The following PCDH15 variants were observed in gnomAD, a reference collection of about 807,000 sequenced individuals.
PCDH15 encodes protocadherin-15.
PCDH15 carries 129 observed loss-of-function variants against 178.5 expected under a neutral mutation model. The observed-to-expected ratio is 0.72, with a 90% CI of 0.63 to 0.84. PCDH15 has a LOEUF of 0.84. Ranked by LOEUF, PCDH15 falls within the 40% of genes least tolerant of loss-of-function variation. PCDH15 has a pLI of 0.00. For synonymous variants in PCDH15, 800 were observed against 732.0 expected, an observed-to-expected ratio of 1.09 and a Z score of -1.50; for missense variants, 2,230 against 2,099.9, an observed-to-expected ratio of 1.06 and a Z score of -1.21.
chr10:55,396,179 C>G (rs1837924815), intron 2 of PCDH15, among the ~76,000 whole-genome samples: 1 of 152,118 alleles, frequency 6.6e-6, no homozygotes, highest in Non-Finnish European at 1.5e-5. Flanking sequence ...TATATCTTTG[C>G]ATCAGTGGAA....
intron 1 of PCDH15, among the ~76,000 whole-genome samples, chr10:54,723,447 C>T (rs1039725812): frequency 6.6e-6 from 1 of 151,528 alleles, no homozygotes; most frequent in East Asian, 1.9e-4. Flanking sequence ...TAAAATCCTA[C>T]AAGAAAACCT....
intron 3 of PCDH15, among the ~76,000 whole-genome samples, chr10:54,481,021 C>A (rs1449212687): frequency 6.6e-6 from 1 of 151,798 alleles, no homozygotes; most frequent in Non-Finnish European, 1.5e-5. Flanking sequence ...TGTCTATGTC[C>A]TTTCCAACTC....
chr10:54,704,509 T>C (rs577233726), intron 1 of PCDH15, among the ~76,000 whole-genome samples: 1 of 152,060 alleles, frequency 6.6e-6, no homozygotes, highest in East Asian at 1.9e-4. Context: ...CATTAAAAAC[T>C]GGGCAAAAGA....
At chr10:54,025,634 G>A (rs2093061082) in intron 18 of PCDH15, among the ~76,000 whole-genome samples, 1 of 151,918 alleles carries the variant, frequency 6.6e-6, no homozygotes, top group African/African-American at 2.4e-5. Context: ...GAGTAGCTGG[G>A]ATTACAGGCA....
chr10:53,997,703 T>C (rs980349423), intron 20 of PCDH15, among the ~76,000 whole-genome samples: 3 of 152,196 alleles, frequency 2.0e-5, no homozygotes, highest in African/African-American at 7.2e-5. Context: ...GAAGTATTCA[T>C]TGGATTCACC....
At chr10:55,051,708 G>A (rs1223863703) in intron 2 of PCDH15, among the ~76,000 whole-genome samples, 1 of 152,160 alleles carries the variant, frequency 6.6e-6, no homozygotes, top group Non-Finnish European at 1.5e-5. Flanking sequence ...CTGCCAAAGA[G>A]CATAGTCATA....
intron 2 of PCDH15, among the ~76,000 whole-genome samples, chr10:54,560,157 A>C (rs1267251999): frequency 2.0e-5 from 3 of 152,070 alleles, no homozygotes; most frequent in African/African-American, 7.2e-5. Flanking sequence ...CTTCTGCTTT[A>C]GTTTTTACAT....
chr10:55,455,504 C>A (rs1015718420), intron 2 of PCDH15, among the ~76,000 whole-genome samples: 1 of 151,880 alleles, frequency 6.6e-6, no homozygotes, highest in Non-Finnish European at 1.5e-5. Context: ...TTGTGAAAAC[C>A]ATAGCACAAT....
intron 1 of PCDH15, among the ~76,000 whole-genome samples, chr10:55,278,409 C>T (rs1055667653): frequency 6.6e-6 from 1 of 151,806 alleles, no homozygotes; most frequent in Non-Finnish European, 1.5e-5. Context: ...TAAATAGAGA[C>T]AAGGTTTCTC....
At chr10:53,925,878 G>T (rs1232659167) in intron 25 of PCDH15, among the ~76,000 whole-genome samples, 1 of 151,930 alleles carries the variant, frequency 6.6e-6, no homozygotes, top group East Asian at 1.9e-4. Flanking sequence ...TTTTACATTT[G>T]TACCACGTGA....
chr10:53,925,019 C>T (rs1488211652), intron 25 of PCDH15, among the ~76,000 whole-genome samples: 1 of 152,130 alleles, frequency 6.6e-6, no homozygotes, highest in Non-Finnish European at 1.5e-5. Context: ...CCAATCAGCT[C>T]TCTGTAAAAT....
At chr10:55,197,377 G>A (rs1036698771) in intron 1 of PCDH15, among the ~76,000 whole-genome samples, 1 of 152,030 alleles carries the variant, frequency 6.6e-6, no homozygotes, top group African/African-American at 2.4e-5. Context: ...AGGAAATCCA[G>A]ATTTTGATTA....
At chr10:54,380,857 T>C (rs901587383) in intron 3 of PCDH15, among the ~76,000 whole-genome samples, 1 of 150,162 alleles carries the variant, frequency 6.7e-6, no homozygotes, top group Non-Finnish European at 1.5e-5. Context: ...ATTAAAGTAG[T>C]GAAACAAAAA....
chr10:54,886,064 G>GGAGACTGAT (rs1319699346), intron 3 of PCDH15, among the ~76,000 whole-genome samples: 1 of 145,054 alleles, frequency 6.9e-6, no homozygotes, highest in African/African-American at 2.9e-5. Flanking sequence ...TTAATAAGAA[G>GGAGACTGAT]CTATTTTCAG....
At chr10:54,199,170 A>G (rs2049984119) in intron 10 of PCDH15, among the ~76,000 whole-genome samples, 1 of 152,156 alleles carries the variant, frequency 6.6e-6, no homozygotes, top group Non-Finnish European at 1.5e-5. Flanking sequence ...AGAGTTAATA[A>G]TGATTAATAT....
At chr10:54,837,074 A>C (rs947518549) in intron 3 of PCDH15, among the ~76,000 whole-genome samples, 1 of 152,138 alleles carries the variant, frequency 6.6e-6, no homozygotes, top group African/African-American at 2.4e-5. Context: ...ACACATTTAC[A>C]TTAAAATATT....
intron 2 of PCDH15, among the ~76,000 whole-genome samples, chr10:54,952,643 G>A (rs550924244): frequency 1.1e-4 from 16 of 151,716 alleles, no homozygotes; most frequent in African/African-American, 2.4e-4. Context: ...ATATCTTTCC[G>A]TTTATTTAGA....
rs568155802 is a variant in PCDH15, at chr10:54,369,397, C to T, written c.319-122G>A. On this transcript the variant is annotated intron_variant, in intron 4 of 37. Coordinates refer to ENST00000644397, the MANE Select transcript of PCDH15 (RefSeq NM_001384140.1). ...TTGTTTATTTTTAAATTATAATAAT[C>T]TCAAAGAAAATGATCATTTTAAGGA... The T allele has an allele frequency of 2.1e-3, 1,882 of 897,392 alleles. 49 individuals carry two copies. In the South Asian group the frequency reaches 0.027, roughly 13 times the overall value. 55.6% of individuals were successfully genotyped at this position (897,392 alleles called of 1,614,324 possible).
chr10:54,912,465 G>T (rs1011575005), intron 2 of PCDH15, among the ~76,000 whole-genome samples: 1 of 152,140 alleles, frequency 6.6e-6, no homozygotes, highest in Non-Finnish European at 1.5e-5. Flanking sequence ...TCCACGAGGT[G>T]AAGATATGCC....
Sources: allele counts gnomAD v4.1 joint callset (sites outside exome capture counted in the v4.1 genomes callset), GRCh38; gene constraint gnomAD v4.1.1; transcripts MANE v1.5; gene names NCBI Gene and HGNC (gene_info 2026-07-23, HGNC 2026-07-21).